The following CCDC91 variants were observed in gnomAD, a reference collection of about 807,000 sequenced individuals.
The protein encoded by CCDC91 is coiled-coil domain-containing protein 91.
A neutral mutation model predicts 63.2 loss-of-function variants in CCDC91; 48 were observed. The ratio of observed to expected loss-of-function variants is 0.76; its 90% confidence interval spans 0.60 to 0.97. The LOEUF (loss-of-function observed/expected upper bound fraction) is 0.97. Ranked by LOEUF, CCDC91 falls within the 50% of genes least tolerant of loss-of-function variation. The probability of loss-of-function intolerance (pLI) is 0.00; values close to 1 mark genes in which losing one functional copy is unlikely to be tolerated. For missense variants in CCDC91, 500 were observed against 494.6 expected, an observed-to-expected ratio of 1.01 and a Z score of -0.10; for synonymous variants, 167 against 165.8, an observed-to-expected ratio of 1.01 and a Z score of -0.06.
rs1375432443 is a variant in CCDC91, at chr12:28,378,951, C to A, written c.655-12353C>A. On this transcript the variant is annotated intron_variant, in intron 7 of 12. Transcript: ENST00000536442. ...CCAGAACTTTGCATGCACAGCTATT[C>A]TTGTGGTTTTTCAAGCCAGGCCAAA... Among the ~76,000 whole-genome samples, 6 of 152,010 alleles carry A rather than the reference C, an allele frequency of 3.9e-5. No individual in the cohort carries two copies. The East Asian group carries it at 1.2e-3, about 29-fold the overall frequency.
At chr12:28,240,970 T>C (rs1945291560) in intron 1 of CCDC91, among the ~76,000 whole-genome samples, 1 of 152,166 alleles carries the variant, frequency 6.6e-6, no homozygotes, top group East Asian at 1.9e-4. Flanking sequence ...ATCATACTGT[T>C]TTACATTCCC....
intron 3 of CCDC91, among the ~76,000 whole-genome samples, chr12:28,284,912 A>G (rs1298988342): frequency 6.6e-6 from 1 of 152,198 alleles, no homozygotes; most frequent in Non-Finnish European, 1.5e-5. Context: ...ATTCTAATGA[A>G]GTAAGGTTTT....
chr12:28,244,494 C>CTTTTTTTT lies in CCDC91; in HGVS notation c.-14-12683_-14-12676dup, dbSNP rs3064681. On this transcript the variant is annotated intron_variant, in intron 1 of 12. Transcript: ENST00000536442. ...GAAACTTGGACAATGTAGAAGAAGG[C>CTTTTTTTT]TTTTTTTTTTTTTTTTTTTTTTTTT... is the stretch of plus-strand genomic sequence containing the variant. Among the ~76,000 whole-genome samples, 31 of 38,428 alleles carry CTTTTTTTT rather than the reference C, an allele frequency of 8.1e-4. 7 individuals carry two copies. The highest frequency in any genetic ancestry group is 2.4e-3 in the African/African-American group (21 of 8,606). 25.2% of individuals were successfully genotyped at this position (38,428 alleles called of 152,430 possible). A position where few individuals can be genotyped will look rare whatever the true frequency, so the allele number is the denominator to read the frequency against.
intron 3 of CCDC91, among the ~76,000 whole-genome samples, chr12:28,276,146 A>T (rs534827410): frequency 6.6e-6 from 1 of 152,188 alleles, no homozygotes; most frequent in South Asian, 2.1e-4. Flanking sequence ...ATGAATTTAT[A>T]TTCCTTGATT....
chr12:28,216,143 A>G (rs1286147105), intron 1 of CCDC91, among the ~76,000 whole-genome samples: 1 of 152,026 alleles, frequency 6.6e-6, no homozygotes, highest in Non-Finnish European at 1.5e-5. Context: ...TCCTTTGGAT[A>G]TTTTCAGCAT....
chr12:28,204,378 A>G (rs1368735774), intron 1 of CCDC91, among the ~76,000 whole-genome samples: 2 of 152,224 alleles, frequency 1.3e-5, no homozygotes, highest in African/African-American at 4.8e-5. Flanking sequence ...CATATTAGCC[A>G]GTCCCTGATA....
intron 7 of CCDC91, among the ~76,000 whole-genome samples, chr12:28,365,948 C>A (rs1944244195): frequency 6.6e-6 from 1 of 152,066 alleles, no homozygotes; most frequent in Non-Finnish European, 1.5e-5. Context: ...TCACTTTTTT[C>A]CTGTCCCTGT....
chr12:28,490,278 T>G (rs191323936), intron 12 of CCDC91, among the ~76,000 whole-genome samples: 2 of 151,902 alleles, frequency 1.3e-5, no homozygotes, highest in African/African-American at 2.4e-5. Context: ...CCTTGTAACT[T>G]TTGATTTGGG....
chr12:28,300,507 A>ATAG (rs74567249), intron 3 of CCDC91, among the ~76,000 whole-genome samples: 30,323 of 151,226 alleles, frequency 0.2, 3,922 homozygotes, highest in Non-Finnish European at 0.3. Flanking sequence ...ATTTTGATAA[A>ATAG]TAGTATGTTT....
At chr12:28,380,534 C>A (rs1211256662) in intron 7 of CCDC91, among the ~76,000 whole-genome samples, 1 of 152,160 alleles carries the variant, frequency 6.6e-6, no homozygotes, top group African/African-American at 2.4e-5. Flanking sequence ...CAGATTTCTG[C>A]TCATTATAAC....
chr12:28,417,367 T>C (rs1274995418), intron 8 of CCDC91, among the ~76,000 whole-genome samples: 1 of 152,092 alleles, frequency 6.6e-6, no homozygotes, highest in Non-Finnish European at 1.5e-5. Flanking sequence ...AAAACAATTC[T>C]GTTACCCCAA....
At chr12:28,256,841 T>C (rs1482353952) in intron 1 of CCDC91, 3 of 188,258 alleles carry the variant, frequency 1.6e-5, no homozygotes, top group Non-Finnish European at 2.2e-5. Context: ...GTCCTGTTCT[T>C]AGCTGGAGTT....
At chr12:28,423,540 A>G (rs1241964846) in intron 8 of CCDC91, among the ~76,000 whole-genome samples, 3 of 152,140 alleles carry the variant, frequency 2.0e-5, no homozygotes, top group Non-Finnish European at 4.4e-5. Flanking sequence ...TATTGCTATG[A>G]AAATATTGAA....
chr12:28,267,316 G>A (rs956433592), intron 3 of CCDC91, among the ~76,000 whole-genome samples: 3 of 151,168 alleles, frequency 2.0e-5, no homozygotes, highest in African/African-American at 7.3e-5. Flanking sequence ...ATAATTTGGA[G>A]ACCTTTCTGT....
chr12:28,271,540 T>TG (rs1466647659), intron 3 of CCDC91, among the ~76,000 whole-genome samples: 1 of 152,044 alleles, frequency 6.6e-6, no homozygotes, highest in Non-Finnish European at 1.5e-5. Context: ...TTTCCAAGTA[T>TG]GGGGCTTTTC....
intron 12 of CCDC91, among the ~76,000 whole-genome samples, chr12:28,507,646 T>A (rs1938896380): frequency 6.6e-6 from 1 of 152,018 alleles, no homozygotes; most frequent in South Asian, 2.1e-4. Flanking sequence ...AGGATGTTCT[T>A]CCTAATTCCT....
chr12:28,526,173 T>C (rs1941243462), intron 12 of CCDC91, among the ~76,000 whole-genome samples: 1 of 151,826 alleles, frequency 6.6e-6, no homozygotes, highest in Non-Finnish European at 1.5e-5. Flanking sequence ...TTTTTTTTAA[T>C]TGTATTTTTG....
rs974295397 is a variant in CCDC91, at chr12:28,439,808, AT to A, written c.763-10349del. Among the ~76,000 whole-genome samples, 35 of 149,358 alleles carry A rather than the reference AT, an allele frequency of 2.3e-4. 1 individual carries two copies. Among genetic ancestry groups the A allele is most frequent in the African/African-American group, 8.1e-4 (33 of 40,746 alleles). ...ATTTATATTTGAGTCTGAATCAAAC[AT>A]TTTCACTTGGAAGAATTTTTTCCAA... is the stretch of plus-strand genomic sequence containing the variant. On this transcript the variant is annotated intron_variant, in intron 8 of 12. Transcript: ENST00000536442.
chr12:28,308,735 C>T (rs552574225), intron 6 of CCDC91, among the ~76,000 whole-genome samples: 1 of 152,142 alleles, frequency 6.6e-6, no homozygotes, highest in Admixed American at 6.6e-5. Flanking sequence ...ACATCCTCTC[C>T]ATCCACCTTA....
Sources: allele counts gnomAD v4.1 joint callset (sites outside exome capture counted in the v4.1 genomes callset), GRCh38; gene constraint gnomAD v4.1.1; transcripts MANE v1.5; gene names NCBI Gene and HGNC (gene_info 2026-07-23, HGNC 2026-07-21).